Variants in CENPL observed in about 807,000 individuals in gnomAD.
The protein encoded by CENPL is centromere protein L, also known as interphase centromere complex protein 33.
In CENPL, 20 loss-of-function variants were observed where a neutral mutation model predicts 35.2. The observed-to-expected ratio is 0.57, with a 90% CI of 0.40 to 0.83. CENPL has a LOEUF of 0.83. Among genes scored for constraint, CENPL ranks in the 40% least tolerant of loss-of-function variants. The pLI is 0.00. For synonymous variants in CENPL, 140 were observed against 140.6 expected (o/e 1.00, Z 0.03); for missense variants, 363 against 395.8 (o/e 0.92, Z 0.70).
chr1:173,816,452 A>G (rs182638105), intron 2 of CENPL, among the ~76,000 whole-genome samples: 1 of 152,360 alleles, frequency 6.6e-6, no homozygotes, highest in East Asian at 1.9e-4. Context: ...GGCCACAGTA[A>G]CCAAAACAGC....
chr1:173,801,988 A>AC (rs1215036060), intron 5 of CENPL, among the ~76,000 whole-genome samples: 1 of 151,476 alleles, frequency 6.6e-6, no homozygotes, highest in Non-Finnish European at 1.5e-5. Flanking sequence ...GCACCACTGC[A>AC]CTCCAGCCTG....
rs748581087 is a variant in CENPL at position 173,807,488 on chromosome 1, G to A, written c.199C>T (p.Leu67Phe). The A allele has an allele frequency of 2.4e-5, 37 of 1,520,734 alleles. No individual in the cohort carries two copies. The African/African-American group carries it at 3.4e-4, about 14-fold the overall frequency. 94.2% of individuals were successfully genotyped at this position (1,520,734 alleles called of 1,614,324 possible). Reference sequence around the variant, plus strand: ...TATAAAGTCCACTGTTTATGCAGAAGGAATGCAACCTTTTGAGGGTCAACA... The same window carrying A: ...TATAAAGTCCACTGTTTATGCAGAAAGAATGCAACCTTTTGAGGGTCAACA... ...EDVDPQKVAF[L>F]LHKQWTLYSL... The change falls in exon 4 of 6, where the codon CTT becomes TTT. Residue 67 changes from leucine to phenylalanine, a missense_variant. Coordinates refer to ENST00000682279, the MANE Select transcript of CENPL (RefSeq NM_001387287.1).
At chr1:173,818,850 T>C (rs900809220) in intron 2 of CENPL, among the ~76,000 whole-genome samples, 1 of 152,226 alleles carries the variant, frequency 6.6e-6, no homozygotes, top group Non-Finnish European at 1.5e-5. Context: ...ATGCTTTATA[T>C]TTCTCTTGTA....
At chr1:173,815,835 A>C (rs1233640264) in intron 2 of CENPL, among the ~76,000 whole-genome samples, 1 of 152,232 alleles carries the variant, frequency 6.6e-6, no homozygotes, top group Non-Finnish European at 1.5e-5. Flanking sequence ...AGTTCTGGCC[A>C]GGGCAATCAG....
In CENPL at chr1:173,824,874, C is replaced by T. The variant is rs1210553426; in HGVS notation, c.-764G>A. The T allele has an allele frequency of 2.9e-6, 1 of 343,782 alleles. No homozygotes were observed. The highest frequency in any genetic ancestry group is 7.5e-5 in the East Asian group (1 of 13,256). 21.3% of individuals were successfully genotyped at this position (343,782 alleles called of 1,614,324 possible). A position where few individuals can be genotyped will look rare whatever the true frequency, so the allele number is the denominator to read the frequency against. ...CGTGGAAAGAGGAGAAGGGCGTATA[C>T]CTTGTGACCGCCTCTGGTTGTCTTG... is the stretch of plus-strand genomic sequence containing the variant. On this transcript the variant is annotated 5_prime_UTR_variant, in exon 1 of 6. Coordinates refer to ENST00000682279, the MANE Select transcript of CENPL (RefSeq NM_001387287.1).
chr1:173,824,647 A>T lies in CENPL; in HGVS notation c.-537T>A, dbSNP rs1158960083. On this transcript the variant is annotated 5_prime_UTR_variant, in exon 1 of 6. Coordinates refer to ENST00000682279, the MANE Select transcript of CENPL (RefSeq NM_001387287.1). ...CTGATTCGTTGAATTCCTTCCCGGTAATCTTGGGCACTAGCGGGCGGAGTT... is the reference window on the plus strand; with the variant it reads ...CTGATTCGTTGAATTCCTTCCCGGTTATCTTGGGCACTAGCGGGCGGAGTT... The T allele has an allele frequency of 6.3e-6, 1 of 158,646 alleles. No individual in the cohort carries two copies. The highest frequency in any genetic ancestry group is 2.4e-5 in the African/African-American group (1 of 41,480). The allele number at this position is 158,646 out of a possible 1,614,324, so 9.8% of individuals were successfully genotyped here.
At position 173,803,125 on chromosome 1, in the gene CENPL, A is replaced by T; in HGVS notation, c.801T>A (p.Ser267Arg). The change falls in exon 5 of 6, where the codon AGT (serine) becomes AGA (arginine). Residue 267 changes from serine (S) to arginine (R), a missense_variant. Physicochemically the swap from Ser to Arg is moderately radical, Grantham distance 110. Coordinates refer to ENST00000682279, the MANE Select transcript of CENPL (RefSeq NM_001387287.1). ...TAACCTCCCCAGGTGTTTTGTGGAC[A>T]CTGTCCCATAGAGCTTTTGCATCCT... The part of the protein sequence containing the change: ...HPEDAKALWD[S>R]VHKTPGEVTQ... The T allele has an allele frequency of 6.2e-7, 1 of 1,614,180 alleles. No homozygotes were observed. Among genetic ancestry groups the T allele is most frequent in the Non-Finnish European group, 8.5e-7 (1 of 1,180,006 alleles).
rs772191060 is a variant in CENPL, at chr1:173,800,532, AAAGAAG to A, written c.964-19_964-14del. The A allele has an allele frequency of 1.8e-6, 2 of 1,140,480 alleles. No homozygotes were observed. Among genetic ancestry groups the A allele is most frequent in the Non-Finnish European group, 2.6e-6 (2 of 765,866 alleles). 70.6% of individuals were successfully genotyped at this position (1,140,480 alleles called of 1,614,324 possible). ...TATGACACAGAATCTGCAAAAAGAA[AAAGAAG>A]GAGACATTTAAAATTAGAATAGTAT... is the stretch of plus-strand genomic sequence containing the variant. On this transcript the variant is annotated splice_polypyrimidine_tract_variant and intron_variant, in intron 5 of 5. Coordinates refer to ENST00000682279, the MANE Select transcript of CENPL (RefSeq NM_001387287.1).
intron 2 of CENPL, among the ~76,000 whole-genome samples, chr1:173,820,516 TAATA>T (rs368168261): frequency 6.6e-5 from 10 of 152,064 alleles, no homozygotes; most frequent in African/African-American, 1.2e-4. Flanking sequence ...CCTCTCTAAT[TAATA>T]AATAAATAAA....
chr1:173,801,057 G>T (rs1281902907), intron 5 of CENPL, among the ~76,000 whole-genome samples: 1 of 152,012 alleles, frequency 6.6e-6, no homozygotes, highest in Non-Finnish European at 1.5e-5. Flanking sequence ...GTTGCACTGT[G>T]ACCTCCAGTT....
chr1:173,816,347 C>T (rs1376570345), intron 2 of CENPL, among the ~76,000 whole-genome samples: 3 of 151,966 alleles, frequency 2.0e-5, no homozygotes, highest in African/African-American at 4.8e-5. Flanking sequence ...AAAGTTCATA[C>T]GGAAACAAAA....
At chr1:173,817,647 G>A (rs1040834626) in intron 2 of CENPL, among the ~76,000 whole-genome samples, 5 of 152,080 alleles carry the variant, frequency 3.3e-5, no homozygotes, top group Non-Finnish European at 4.4e-5. Context: ...CAGCGATCCC[G>A]TTACTGGGTA....
intron 3 of CENPL, among the ~76,000 whole-genome samples, chr1:173,810,796 C>T (rs1650739173): frequency 6.6e-6 from 1 of 152,136 alleles, no homozygotes; most frequent in Admixed American, 6.5e-5. Context: ...TAGCGGGCGC[C>T]TGTAGTCCCA....
At chr1:173,802,834 A>C (rs187017300) in intron 5 of CENPL, 129 bp downstream of exon 5, 24 of 655,124 alleles carry the variant, frequency 3.7e-5, no homozygotes, top group Admixed American at 2.8e-4. Context: ...TAAACCATAA[A>C]ATAAAAGCTC....
chr1:173,805,506 T>G (rs1650139965), intron 4 of CENPL, among the ~76,000 whole-genome samples: 2 of 141,012 alleles, frequency 1.4e-5, no homozygotes, highest in Admixed American at 1.4e-4. Flanking sequence ...AGAGAAGCTG[T>G]CTCAAAAAAA....
At chr1:173,822,065 T>TAATCCAA (rs1652005803) in intron 2 of CENPL, 1 of 152,172 alleles carries the variant, frequency 6.6e-6, no homozygotes, top group African/African-American at 2.4e-5. Context: ...ATTAAAAATT[T>TAATCCAA]GTGTTTAAAT....
At chr1:173,819,062 C>T (rs1651685420) in intron 2 of CENPL, among the ~76,000 whole-genome samples, 1 of 151,884 alleles carries the variant, frequency 6.6e-6, no homozygotes, top group South Asian at 2.1e-4. Context: ...CTGTGAGACT[C>T]CATCTCTACA....
intron 3 of CENPL, 80 bp downstream of exon 3, chr1:173,811,052 C>T: frequency 7.6e-7 from 1 of 1,313,176 alleles, no homozygotes; most frequent in Non-Finnish European, 1.1e-6. Flanking sequence ...ACTAAGAATA[C>T]TATAGTTACA....
At chr1:173,812,689 C>T (rs1025394751) in intron 2 of CENPL, among the ~76,000 whole-genome samples, 1 of 152,250 alleles carries the variant, frequency 6.6e-6, no homozygotes, top group South Asian at 2.1e-4. Flanking sequence ...CATCAAACAC[C>T]AAAGGTAGAT....
Sources: gnomAD v4.1 joint callset for allele counts (sites outside exome capture counted in the v4.1 genomes callset) on GRCh38, gnomAD v4.1.1 for gene constraint, MANE v1.5 for transcripts, NCBI Gene and HGNC (gene_info 2026-07-23, HGNC 2026-07-21) for gene names.